Variants in SGCZ observed in about 807,000 individuals in gnomAD.
SGCZ encodes the protein sarcoglycan zeta, also known as zeta-sarcoglycan.
In SGCZ, 40 loss-of-function variants were observed where a neutral mutation model predicts 41.3. The ratio of observed to expected loss-of-function variants is 0.97; its 90% CI spans 0.75 to 1.26. The LOEUF (loss-of-function observed/expected upper bound fraction) is 1.26, where lower values mean the gene tolerates loss of function less well. Among genes scored for constraint, SGCZ ranks in the 50% most tolerant of loss-of-function variants. The probability of loss-of-function intolerance (pLI) is 0.00; values close to 1 mark genes in which losing one functional copy is unlikely to be tolerated. For missense variants in SGCZ, 552 were observed against 369.8 expected (o/e 1.49, Z -4.04); for synonymous variants, 206 against 137.5 (o/e 1.50, Z -3.49).
intron 4 of SGCZ, among the ~76,000 whole-genome samples, chr8:14,199,413 T>C (rs1349881235): frequency 6.6e-6 from 1 of 152,164 alleles, no homozygotes; most frequent in African/African-American, 2.4e-5. Flanking sequence ...CGAAACTTCA[T>C]TAGTAATTTT....
In SGCZ at chr8:14,237,556, G is replaced by T. The variant is rs778784741; in HGVS notation, c.424+36C>A. 5.8e-6 allele frequency: 9 copies of T among 1,562,752 alleles called. No individual in the cohort carries two copies. The African/African-American group carries it at 1.2e-4, about 21-fold the overall frequency. On this transcript the variant is annotated intron_variant, in intron 4 of 7. Coordinates refer to ENST00000382080, the MANE Select transcript of SGCZ (RefSeq NM_139167.4). The stretch of plus-strand genomic sequence containing the variant: ...CAAAAACAACAACAAAAAAAACCAA[G>T]CACAGTAGGAGCAATCTTTACCCCA...
chr8:15,201,255 C>T (rs996465890), intron 1 of SGCZ, among the ~76,000 whole-genome samples: 3 of 152,112 alleles, frequency 2.0e-5, no homozygotes, highest in African/African-American at 4.8e-5. Context: ...GACCTCAAGT[C>T]ATCTGCCCAC....
At chr8:14,238,941 T>A (rs529271701) in intron 3 of SGCZ, among the ~76,000 whole-genome samples, 69 of 152,054 alleles carry the variant, frequency 4.5e-4, no homozygotes, top group African/African-American at 1.6e-3. Flanking sequence ...ATATTAGGAT[T>A]TGGAATTGGT....
At chr8:15,231,213 C>A (rs1423455768) in intron 1 of SGCZ, among the ~76,000 whole-genome samples, 1 of 152,164 alleles carries the variant, frequency 6.6e-6, no homozygotes, top group East Asian at 1.9e-4. Flanking sequence ...ATAATTAAAG[C>A]TTTTCTGGCT....
intron 2 of SGCZ, among the ~76,000 whole-genome samples, chr8:14,550,289 C>A (rs1803761991): frequency 6.6e-6 from 1 of 150,664 alleles, no homozygotes; most frequent in Non-Finnish European, 1.5e-5. Flanking sequence ...GAATTGTATA[C>A]AAATATGCAT....
intron 1 of SGCZ, among the ~76,000 whole-genome samples, chr8:14,617,106 A>G (rs1167681800): frequency 6.6e-6 from 1 of 152,172 alleles, no homozygotes; most frequent in African/African-American, 2.4e-5. Context: ...TATTACTACT[A>G]AATTTTGAGA....
chr8:14,296,118 G>C (rs1408850153), intron 3 of SGCZ, among the ~76,000 whole-genome samples: 1 of 152,114 alleles, frequency 6.6e-6, no homozygotes, highest in East Asian at 1.9e-4. Flanking sequence ...ACTAGTTGTA[G>C]GCTTGGCCTA....
intron 1 of SGCZ, among the ~76,000 whole-genome samples, chr8:15,213,996 T>A (rs1465610868): frequency 6.6e-6 from 1 of 152,056 alleles, no homozygotes; most frequent in Non-Finnish European, 1.5e-5. Flanking sequence ...TAAACTTGCC[T>A]AAGTTATTAT....
intron 4 of SGCZ, among the ~76,000 whole-genome samples, chr8:14,220,078 T>C (rs1806139923): frequency 6.6e-6 from 1 of 152,196 alleles, no homozygotes; most frequent in Non-Finnish European, 1.5e-5. Context: ...CAATTACTAT[T>C]GCATCAACCT....
Position 14,595,666 on chromosome 8 carries a change from G to A in SGCZ, c.40-40740C>T, listed in dbSNP as rs1022118133. Among the ~76,000 whole-genome samples, 4 of 152,170 alleles carry A rather than the reference G, an allele frequency of 2.6e-5. 1 individual carries two copies. The highest frequency in any genetic ancestry group is 9.6e-5 in the African/African-American group (4 of 41,514). On this transcript the variant is annotated intron_variant, in intron 1 of 7. Transcript: ENST00000382080. ...TTATGAGGGCATCAAAATGCTTCAC[G>A]TCTAAAACTCTTCCACCTTTAACAT... is the stretch of plus-strand genomic sequence containing the variant.
intron 1 of SGCZ, among the ~76,000 whole-genome samples, chr8:15,009,173 A>G (rs1185742870): frequency 6.6e-6 from 1 of 152,242 alleles, no homozygotes; most frequent in African/African-American, 2.4e-5. Flanking sequence ...ATGCTTACAC[A>G]GACTGTACAG....
At chr8:14,489,908 C>A (rs922385826) in intron 2 of SGCZ, among the ~76,000 whole-genome samples, 5 of 148,314 alleles carry the variant, frequency 3.4e-5, no homozygotes, top group African/African-American at 1.3e-4. Flanking sequence ...GCTCTGTCGC[C>A]CAGACTGGAG....
chr8:14,807,137 A>G (rs1801563500), intron 1 of SGCZ, among the ~76,000 whole-genome samples: 1 of 151,630 alleles, frequency 6.6e-6, no homozygotes, highest in Admixed American at 6.6e-5. Context: ...TGAATGGGCA[A>G]AAACTGGAAG....
chr8:14,994,766 T>C (rs1206924917), intron 1 of SGCZ, among the ~76,000 whole-genome samples: 1 of 152,160 alleles, frequency 6.6e-6, no homozygotes, highest in East Asian at 1.9e-4. Context: ...GTTCTATTTA[T>C]ACTATAAATT....
At position 14,731,332 on chromosome 8, in the gene SGCZ, C is replaced by A. The variant is rs1585215971; in HGVS notation, c.40-176406G>T. On this transcript the variant is annotated intron_variant, in intron 1 of 7. Transcript: ENST00000382080. ...TTCCCACTCATAAGTGGGAGTTGAACAATGAGAACATGTGGACACAGGGAG... is the reference window on the plus strand; with the variant it reads ...TTCCCACTCATAAGTGGGAGTTGAAAAATGAGAACATGTGGACACAGGGAG... Among the ~76,000 whole-genome samples the A allele has an allele frequency of 2.9e-5, 4 of 137,702 alleles. 1 individual carries two copies. The highest frequency in any genetic ancestry group is 1.1e-4 in the African/African-American group (4 of 36,290). 90.3% of individuals were successfully genotyped at this position (137,702 alleles called of 152,430 possible). A position where few individuals can be genotyped will look rare whatever the true frequency, so the allele number is the denominator to read the frequency against.
intron 2 of SGCZ, among the ~76,000 whole-genome samples, chr8:14,414,299 C>G (rs150498615): frequency 2.0e-5 from 3 of 151,976 alleles, no homozygotes; most frequent in African/African-American, 7.2e-5. Context: ...CTAGACGTTA[C>G]TTAATTTAGA....
intron 5 of SGCZ, among the ~76,000 whole-genome samples, chr8:14,110,409 T>C (rs9643911): frequency 2.0e-5 from 3 of 151,896 alleles, no homozygotes; most frequent in Non-Finnish European, 4.4e-5. Flanking sequence ...ACAAACTCTA[T>C]CAGTGAAAAT....
intron 1 of SGCZ, among the ~76,000 whole-genome samples, chr8:14,887,578 CTATACA>C (rs766929300): frequency 2.0e-5 from 3 of 152,126 alleles, no homozygotes; most frequent in South Asian, 4.1e-4. Context: ...ACATACATAG[CTATACA>C]TATACATATA....
chr8:14,137,627 G>GA (rs1030675729), intron 5 of SGCZ, among the ~76,000 whole-genome samples: 1 of 151,968 alleles, frequency 6.6e-6, no homozygotes, highest in Non-Finnish European at 1.5e-5. Context: ...GAAGTTTAGA[G>GA]AAAAAAAGAG....
Sources: gnomAD v4.1 joint callset for allele counts (sites outside exome capture counted in the v4.1 genomes callset) on GRCh38, gnomAD v4.1.1 for gene constraint, MANE v1.5 for transcripts, NCBI Gene and HGNC (gene_info 2026-07-23, HGNC 2026-07-21) for gene names.